The following FBXL18 variants were observed in gnomAD, a reference collection of about 807,000 sequenced individuals.
FBXL18 encodes F-box/LRR-repeat protein 18.
FBXL18 carries 36 observed loss-of-function variants against 46.0 expected under a neutral mutation model. The ratio of observed to expected loss-of-function variants is 0.78; its 90% confidence interval spans 0.60 to 1.03. The LOEUF (loss-of-function observed/expected upper bound fraction) is 1.03. Ranked by LOEUF, FBXL18 falls within the 50% of genes least tolerant of loss-of-function variation. FBXL18 has a pLI of 0.00. For synonymous variants in FBXL18, 557 were observed against 465.3 expected (o/e 1.20, Z -2.54); for missense variants, 977 against 1,004.1 (o/e 0.97, Z 0.36).
chr7:5,464,226 C>G (rs1225263907), intron 4 of FBXL18, among the ~76,000 whole-genome samples: 2 of 152,064 alleles, frequency 1.3e-5, no homozygotes, highest in African/African-American at 4.8e-5. Context: ...TGCCTGTAAT[C>G]CCAGCACTTT....
chr7:5,491,369 AGGCACAGGCGCTGCAGCGAGG>A lies in FBXL18; in HGVS notation c.1841_1861del (p.Pro614_Cys620del). Reference sequence around the variant, plus strand: ...CTGGAGGGTGCCGCTGCGAGAGACCAGGCACAGGCGCTGCAGCGAGGGGCACTGGCTCAGCGCCTGGAAGAA... The same window carrying A: ...CTGGAGGGTGCCGCTGCGAGAGACCAGGCACTGGCTCAGCGCCTGGAAGAA... On this transcript the variant is annotated inframe_deletion, in exon 4 of 5. Coordinates refer to ENST00000382368, the MANE Select transcript of FBXL18 (RefSeq NM_024963.6). The A allele has an allele frequency of 6.2e-7, 1 of 1,609,930 alleles. No individual in the cohort carries two copies. Among genetic ancestry groups the A allele is most frequent in the Non-Finnish European group, 8.5e-7 (1 of 1,178,864 alleles).
chr7:5,472,393 T>C (rs1783441894), downstream of FBXL18, among the ~76,000 whole-genome samples: 1 of 152,124 alleles, frequency 6.6e-6, no homozygotes, highest in African/African-American at 2.4e-5. Flanking sequence ...GGTGTGGAAG[T>C]GATGCCATGT....
At chr7:5,495,604 T>A (rs1784056283) in intron 3 of FBXL18, among the ~76,000 whole-genome samples, 1 of 152,174 alleles carries the variant, frequency 6.6e-6, no homozygotes. Context: ...GGGCTGCCAG[T>A]GGCAGCAGGT....
intron 4 of FBXL18, among the ~76,000 whole-genome samples, chr7:5,466,836 C>T (rs752752259): frequency 6.6e-6 from 1 of 152,148 alleles, no homozygotes; most frequent in East Asian, 1.9e-4. Flanking sequence ...TCCTCAATCC[C>T]GGAGGCAGCC....
At chr7:5,458,966 G>C (rs1783208483) in intron 4 of FBXL18, among the ~76,000 whole-genome samples, 2 of 152,054 alleles carry the variant, frequency 1.3e-5, no homozygotes, top group Admixed American at 1.3e-4. Flanking sequence ...GGGCAACATA[G>C]TAAGACCCCT....
rs928939213 is a variant in FBXL18, at chr7:5,455,666, G to C, written c.2001-7823C>G. On this transcript the variant is annotated intron_variant and NMD_transcript_variant, in intron 4 of 6. Coordinates refer to the FBXL18 transcript ENST00000415009. This position sits in a 1 kb window ranked among gnomAD's most constrained non-coding sequence, Gnocchi z 4.6. ...CTGACCATCCACTTCCCCGCAGGGG[G>C]GCTCAAACCCAGGCTGTGAATTCGG... 6.6e-6 allele frequency among the ~76,000 whole-genome samples: 1 copy of C among 152,040 alleles called. No individual in the cohort carries two copies. The highest frequency in any genetic ancestry group is 6.6e-5 in the Admixed American group (1 of 15,252).
chr7:5,489,021 T>A (rs1562689825), intron 4 of FBXL18, among the ~76,000 whole-genome samples: 1 of 152,198 alleles, frequency 6.6e-6, no homozygotes, highest in Non-Finnish European at 1.5e-5. Flanking sequence ...GGGGCTGAGC[T>A]GGAACATTCC....
chr7:5,511,930 A>G (rs1215040518), intron 1 of FBXL18, among the ~76,000 whole-genome samples: 1 of 151,890 alleles, frequency 6.6e-6, no homozygotes, highest in East Asian at 1.9e-4. Context: ...AAAATTTTAA[A>G]AAGAGAAATA....
chr7:5,490,040 C>A (rs752071383), intron 4 of FBXL18: 32 of 1,336,106 alleles, frequency 2.4e-5, no homozygotes, highest in Middle Eastern at 4.2e-4. Flanking sequence ...GAGGGGGAAA[C>A]CCCAACCAGG....
At position 5,491,431 on chromosome 7, in the gene FBXL18, G is replaced by A. The variant is rs971659094; in HGVS notation, c.1800C>T (p.Phe600=). 1.9e-6 allele frequency: 3 copies of A among 1,591,246 alleles called. No individual in the cohort carries two copies. The highest frequency in any genetic ancestry group is 1.7e-6 in the Non-Finnish European group (2 of 1,170,468). ...LRDLRLEQPY[F]SANAQFFQAL... ...CCTGGAAGAACTGGGCGTTGGCGCT[G>A]AAGTAGGGCTGCTCCAGCCTGCGGG... is the stretch of plus-strand genomic sequence containing the variant. The change falls in exon 4 of 5, where the codon TTC becomes TTT. Residue 600 remains phenylalanine, a synonymous_variant. Coordinates refer to ENST00000382368, the MANE Select transcript of FBXL18 (RefSeq NM_024963.6).
intron 3 of FBXL18, among the ~76,000 whole-genome samples, chr7:5,497,402 G>C (rs1040882746): frequency 1.3e-5 from 2 of 152,112 alleles, no homozygotes; most frequent in African/African-American, 4.8e-5. Flanking sequence ...GAATCAAAGC[G>C]GCCGATCCAG....
chr7:5,502,984 G>C (rs1406394998), intron 2 of FBXL18, among the ~76,000 whole-genome samples: 2 of 152,200 alleles, frequency 1.3e-5, no homozygotes, highest in Non-Finnish European at 2.9e-5. Flanking sequence ...CACTGCAACA[G>C]ATTCACAAGA....
At chr7:5,485,414 A>G (rs1164097310) in intron 4 of FBXL18, among the ~76,000 whole-genome samples, 1 of 152,226 alleles carries the variant, frequency 6.6e-6, no homozygotes, top group Admixed American at 6.5e-5. Context: ...TAGTTCCTCA[A>G]TGTGATGACT....
chr7:5,490,148 TG>T, intron 4 of FBXL18: 1 of 1,358,410 alleles, frequency 7.4e-7, no homozygotes, highest in Non-Finnish European at 9.8e-7. Context: ...CGAGACGTCC[TG>T]GCTGATGGCT....
chr7:5,465,320 C>G lies in FBXL18; in HGVS notation c.2001-17477G>C, dbSNP rs369730253. On this transcript the variant is annotated intron_variant and NMD_transcript_variant, in intron 4 of 6. Transcript: ENST00000415009. Reference sequence around the variant, plus strand: ...GGTTTGAGTGATTCTCCTGCCCCAGCCTCCCAAGTAACTGGGACTACAGGC... The same window carrying G: ...GGTTTGAGTGATTCTCCTGCCCCAGGCTCCCAAGTAACTGGGACTACAGGC... Among the ~76,000 whole-genome samples the G allele has an allele frequency of 2.7e-3, 407 of 151,978 alleles. 4 individuals are homozygous for G. Among genetic ancestry groups the G allele is most frequent in the East Asian group, 0.015 (76 of 5,054 alleles).
chr7:5,461,791 A>C (rs1281945654), intron 4 of FBXL18, among the ~76,000 whole-genome samples: 1 of 152,024 alleles, frequency 6.6e-6, no homozygotes, highest in Non-Finnish European at 1.5e-5. Context: ...AAATACAAAA[A>C]TTGGCCAGGC....
At chr7:5,490,036 G>A in intron 4 of FBXL18, 1 of 1,332,188 alleles carries the variant, frequency 7.5e-7, no homozygotes. Flanking sequence ...CAGAGAGGGG[G>A]AAACCCCAAC....
chr7:5,484,569 G>A (rs1783727691), intron 4 of FBXL18, among the ~76,000 whole-genome samples: 1 of 151,442 alleles, frequency 6.6e-6, no homozygotes, highest in African/African-American at 2.4e-5. Flanking sequence ...CTGGAGTGCA[G>A]TGGCACAATC....
chr7:5,507,875 C>T (rs1343756852), intron 1 of FBXL18, among the ~76,000 whole-genome samples: 1 of 151,796 alleles, frequency 6.6e-6, no homozygotes, highest in Admixed American at 6.6e-5. Context: ...GTGGCTCACA[C>T]CTGTAATCCC....
Sources: gnomAD v4.1 joint callset for allele counts (sites outside exome capture counted in the v4.1 genomes callset) on GRCh38, gnomAD v4.1.1 for gene constraint, Gnocchi (gnomAD v3.1) non-coding constraint, MANE v1.5 for transcripts, NCBI Gene and HGNC (gene_info 2026-07-23, HGNC 2026-07-21) for gene names.